SGMS1: variants seen among roughly 807,000 people sequenced by gnomAD.
SGMS1 encodes phosphatidylcholine:ceramide cholinephosphotransferase 1.
In SGMS1, 13 loss-of-function variants were observed where a neutral mutation model predicts 46.2. That is an observed-to-expected ratio of 0.28 (90% confidence interval 0.18 to 0.45). SGMS1 has a LOEUF of 0.45. SGMS1 is among the 20% of genes least tolerant of loss of function. SGMS1 has a pLI of 1.00. For missense variants in SGMS1, 324 were observed against 519.9 expected, an observed-to-expected ratio of 0.62 and a Z score of 3.66; for synonymous variants, 203 against 187.8, an observed-to-expected ratio of 1.08 and a Z score of -0.66.
intron 8 of SGMS1, among the ~76,000 whole-genome samples, chr10:50,312,037 G>C (rs1036683020): frequency 6.6e-6 from 1 of 152,094 alleles, no homozygotes; most frequent in African/African-American, 2.4e-5. Context: ...CTGGACACCG[G>C]AGTAATAAAT....
At chr10:50,579,469 AAAG>A (rs1342595068) in intron 2 of SGMS1, among the ~76,000 whole-genome samples, 1 of 152,206 alleles carries the variant, frequency 6.6e-6, no homozygotes, top group Non-Finnish European at 1.5e-5. Context: ...CACTGAAAAT[AAAG>A]AAAAGAATGA....
intron 3 of SGMS1, among the ~76,000 whole-genome samples, chr10:50,478,993 C>T (rs1271636973): frequency 6.9e-6 from 1 of 144,070 alleles, no homozygotes; most frequent in Non-Finnish European, 1.6e-5. Context: ...CAGGGGCCAT[C>T]CACCCCCCAA....
chr10:50,606,052 A>C (rs1838691662), intron 1 of SGMS1, among the ~76,000 whole-genome samples: 1 of 152,250 alleles, frequency 6.6e-6, no homozygotes, highest in Non-Finnish European at 1.5e-5. Context: ...CTGTGTTCAC[A>C]GCAGCACTAA....
intron 2 of SGMS1, among the ~76,000 whole-genome samples, chr10:50,574,623 C>A (rs975725228): frequency 6.6e-6 from 1 of 152,060 alleles, no homozygotes; most frequent in South Asian, 2.1e-4. Flanking sequence ...ACCCAGTGAT[C>A]CCACTTGTGG....
At chr10:50,578,622 A>G (rs1321386047) in intron 2 of SGMS1, among the ~76,000 whole-genome samples, 3 of 152,218 alleles carry the variant, frequency 2.0e-5, no homozygotes, top group Non-Finnish European at 4.4e-5. Flanking sequence ...TTAAAAAATA[A>G]TAGAACACCA....
intron 2 of SGMS1, among the ~76,000 whole-genome samples, chr10:50,522,150 T>C (rs773616859): frequency 6.6e-6 from 1 of 152,338 alleles, no homozygotes; most frequent in Non-Finnish European, 1.5e-5. Flanking sequence ...TCACCTGAGA[T>C]ACATGAAGTC....
chr10:50,360,246 A>G (rs761519119), intron 6 of SGMS1, among the ~76,000 whole-genome samples: 27 of 152,210 alleles, frequency 1.8e-4, no homozygotes, highest in Non-Finnish European at 3.1e-4. Context: ...AAAAAGATGA[A>G]GCTGAAATCT....
intron 6 of SGMS1, among the ~76,000 whole-genome samples, chr10:50,406,570 G>A (rs1849018230): frequency 6.6e-6 from 1 of 152,142 alleles, no homozygotes; most frequent in African/African-American, 2.4e-5. Flanking sequence ...TAGGAAGTTG[G>A]TCTCTTCCTT....
chr10:50,484,319 C>T (rs1020643080), intron 3 of SGMS1, among the ~76,000 whole-genome samples: 3 of 152,106 alleles, frequency 2.0e-5, no homozygotes, highest in African/African-American at 4.8e-5. Context: ...AATTCCTGGA[C>T]ATATACACCC....
chr10:50,576,487 C>A (rs1243133320), intron 2 of SGMS1, among the ~76,000 whole-genome samples: 1 of 152,160 alleles, frequency 6.6e-6, no homozygotes, highest in Non-Finnish European at 1.5e-5. Flanking sequence ...TAAATGCCAC[C>A]CTTTCTTCTC....
At chr10:50,495,838 A>T (rs543411220) in intron 3 of SGMS1, among the ~76,000 whole-genome samples, 4 of 152,264 alleles carry the variant, frequency 2.6e-5, no homozygotes, top group African/African-American at 9.6e-5. Flanking sequence ...TACATAGAAC[A>T]TATATGGAAA....
intron 2 of SGMS1, among the ~76,000 whole-genome samples, chr10:50,552,264 A>C (rs1838155288): frequency 6.6e-6 from 1 of 152,258 alleles, no homozygotes; most frequent in Admixed American, 6.5e-5. Flanking sequence ...TAAGATATTA[A>C]GTAACAAAAA....
Position 50,601,749 on chromosome 10 carries a change from C to G in SGMS1, c.-683-11502G>C, listed in dbSNP as rs185454737. Among the ~76,000 whole-genome samples, 6 of 152,262 alleles carry G rather than the reference C, an allele frequency of 3.9e-5. No individual in the cohort carries two copies. In the East Asian group the frequency reaches 7.7e-4, roughly 20 times the overall value. ...TACCCTCTTTCCAGAATGCTTGGAACCAGAAGTATTTTGGATTTCAGGAAT... is the reference window on the plus strand; with the variant it reads ...TACCCTCTTTCCAGAATGCTTGGAAGCAGAAGTATTTTGGATTTCAGGAAT... On this transcript the variant is annotated intron_variant, in intron 1 of 10. Coordinates refer to ENST00000361781, the MANE Select transcript of SGMS1 (RefSeq NM_147156.4).
At chr10:50,547,244 T>C (rs1020032064) in intron 2 of SGMS1, among the ~76,000 whole-genome samples, 4 of 152,084 alleles carry the variant, frequency 2.6e-5, no homozygotes, top group Admixed American at 2.0e-4. Context: ...GTGTCCAAAA[T>C]AATTTCAAGA....
chr10:50,516,131 T>A (rs1296691341), intron 3 of SGMS1, among the ~76,000 whole-genome samples: 2 of 152,178 alleles, frequency 1.3e-5, no homozygotes, highest in Non-Finnish European at 2.9e-5. Context: ...TGTCTATTGG[T>A]AATTATTCTG....
Position 50,305,856 on chromosome 10 carries a change from A to G in SGMS1, c.*1286T>C, listed in dbSNP as rs1477787178. The stretch of plus-strand genomic sequence containing the variant: ...ACAGAATGGATATATATACTTCTTC[A>G]TTCTTAAAAAACTATTTTGTTCTCC... On this transcript the variant is annotated 3_prime_UTR_variant, in exon 11 of 11. Transcript: ENST00000361781. 1 of 152,726 alleles carries G rather than the reference A, an allele frequency of 6.5e-6. No homozygotes were observed. The highest frequency in any genetic ancestry group is 1.5e-5 in the Non-Finnish European group (1 of 67,996). The allele number at this position is 152,726 out of a possible 1,614,324, so 9.5% of individuals were successfully genotyped here. A position where few individuals can be genotyped will look rare whatever the true frequency, so the allele number is the denominator to read the frequency against.
At chr10:50,364,451 T>A (rs1432866894) in intron 6 of SGMS1, among the ~76,000 whole-genome samples, 1 of 152,208 alleles carries the variant, frequency 6.6e-6, no homozygotes, top group South Asian at 2.1e-4. Flanking sequence ...TTTCTGGTTG[T>A]ACTTCCCTCC....
At chr10:50,586,041 T>C (rs1838480878) in intron 2 of SGMS1, among the ~76,000 whole-genome samples, 1 of 152,242 alleles carries the variant, frequency 6.6e-6, no homozygotes, top group African/African-American at 2.4e-5. Flanking sequence ...TACTCAACCC[T>C]GGTCTCTTTT....
intron 8 of SGMS1, among the ~76,000 whole-genome samples, chr10:50,313,116 T>C (rs1283897863): frequency 6.6e-6 from 1 of 152,206 alleles, no homozygotes; most frequent in Non-Finnish European, 1.5e-5. Flanking sequence ...TGAATAGCAT[T>C]TACAGAACTG....
Sources: gnomAD v4.1 joint callset for allele counts (sites outside exome capture counted in the v4.1 genomes callset) on GRCh38, gnomAD v4.1.1 for gene constraint, MANE v1.5 for transcripts, NCBI Gene and HGNC (gene_info 2026-07-23, HGNC 2026-07-21) for gene names.